Variants in PNO1 observed in about 807,000 individuals in gnomAD.
The protein encoded by PNO1 is RNA-binding protein PNO1.
Under a neutral mutation model 28.4 loss-of-function variants are expected in PNO1, and 16 were observed. The ratio of observed to expected loss-of-function variants is 0.56; its 90% CI spans 0.38 to 0.85. The LOEUF (loss-of-function observed/expected upper bound fraction) is 0.85, where lower values mean the gene tolerates loss of function less well. Ranked by LOEUF, PNO1 falls within the 40% of genes least tolerant of loss-of-function variation. The pLI is 0.00. For synonymous variants in PNO1, 115 were observed against 110.8 expected (o/e 1.04, Z -0.24); for missense variants, 304 against 312.2 (o/e 0.97, Z 0.20).
At chr2:68,163,623 A>G (rs950761869) in intron 5 of PNO1, among the ~76,000 whole-genome samples, 1 of 152,168 alleles carries the variant, frequency 6.6e-6, no homozygotes, top group Middle Eastern at 3.4e-3. Context: ...GGGGAGAACA[A>G]GCAATCACTA....
At chr2:68,160,104 G>A (rs572061256) in intron 2 of PNO1, among the ~76,000 whole-genome samples, 7 of 151,698 alleles carry the variant, frequency 4.6e-5, no homozygotes, top group African/African-American at 1.5e-4. Context: ...GAGTAGCTGG[G>A]ACTACAGGCA....
intron 5 of PNO1, among the ~76,000 whole-genome samples, chr2:68,170,469 C>T (rs959790596): frequency 3.3e-5 from 5 of 152,038 alleles, no homozygotes; most frequent in South Asian, 2.1e-4. Flanking sequence ...AAATATTGGC[C>T]GGGCGTGATG....
chr2:68,159,678 T>C (rs1248318764), intron 2 of PNO1, among the ~76,000 whole-genome samples: 2 of 152,190 alleles, frequency 1.3e-5, no homozygotes, highest in African/African-American at 4.8e-5. Flanking sequence ...GTCTCATCTC[T>C]GTTAATGGAA....
chr2:68,157,943 C>A lies in PNO1; in HGVS notation c.9C>A (p.Ser3=). The A allele has an allele frequency of 6.2e-7, 1 of 1,613,872 alleles. No homozygotes were observed. Among genetic ancestry groups the A allele is most frequent in the South Asian group, 1.1e-5 (1 of 91,088 alleles). The change falls in exon 1 of 7, where the codon TCC becomes TCA. Residue 3 remains serine (S), a synonymous_variant. Coordinates refer to ENST00000263657, the MANE Select transcript of PNO1 (RefSeq NM_020143.4). ME[S]EMETQSARAE... ...CTTTAAGATTTCCGGGGATGGAATC[C>A]GAAATGGAAACGCAGAGCGCCAGGG...
In PNO1 at chr2:68,171,621, G is replaced by A. The variant is rs532228473; in HGVS notation, c.621-1726G>A. On this transcript the variant is annotated intron_variant, in intron 5 of 6. Transcript: ENST00000263657. Reference sequence around the variant, plus strand: ...TCATCTGCAGGTGTCTGGAGGAAGAGCATTACAGAGGAAGGGGAAAGCACA... The same window carrying A: ...TCATCTGCAGGTGTCTGGAGGAAGAACATTACAGAGGAAGGGGAAAGCACA... Among the ~76,000 whole-genome samples the A allele has an allele frequency of 2.6e-5, 4 of 152,344 alleles. No homozygotes were observed. The South Asian group carries it at 8.3e-4, about 32-fold the overall frequency.
intron 5 of PNO1, among the ~76,000 whole-genome samples, chr2:68,165,503 A>C (rs1269365743): frequency 1.5e-5 from 2 of 133,406 alleles, no homozygotes; most frequent in African/African-American, 2.8e-5. Flanking sequence ...TCAAGATTGC[A>C]CCACTGCATT....
chr2:68,162,145 A>G (rs1179092138), intron 3 of PNO1, 120 bp from the exon 4 acceptor site: 15 of 529,788 alleles, frequency 2.8e-5, no homozygotes, highest in Non-Finnish European at 4.1e-5. Context: ...TCTCCAAGGG[A>G]AAAAAAAAAG....
chr2:68,166,392 G>A (rs1673997813), intron 5 of PNO1, among the ~76,000 whole-genome samples: 1 of 61,890 alleles, frequency 1.6e-5, no homozygotes, highest in Non-Finnish European at 2.7e-5. Flanking sequence ...GTAAGCTAGA[G>A]AAAAAATGTT....
chr2:68,170,564 G>A (rs1417095168), intron 5 of PNO1, among the ~76,000 whole-genome samples: 2 of 151,966 alleles, frequency 1.3e-5, no homozygotes, highest in African/African-American at 2.4e-5. Context: ...TGGCTAACAC[G>A]GTGAAACCCC....
At chr2:68,170,862 G>A (rs895759359) in intron 5 of PNO1, among the ~76,000 whole-genome samples, 3 of 150,366 alleles carry the variant, frequency 2.0e-5, no homozygotes, top group Non-Finnish European at 3.0e-5. Context: ...ATTTGTCTCT[G>A]TATTTCCAGA....
In PNO1 at chr2:68,170,833, T is replaced by G. The variant is rs141460607; in HGVS notation, c.621-2514T>G. ...TCAGGGGAACCAATTTCAACTCTTT[T>G]AGCTTATCTTAAAAAATTATTTGTC... On this transcript the variant is annotated intron_variant, in intron 5 of 6. Transcript: ENST00000263657. Among the ~76,000 whole-genome samples the G allele has an allele frequency of 2.7e-3, 408 of 152,286 alleles. 2 individuals carry two copies. The highest frequency in any genetic ancestry group is 6.1e-3 in the African/African-American group (254 of 41,558).
chr2:68,162,442 C>T (rs991663540), intron 4 of PNO1, 104 bp from the exon 5 acceptor site: 2 of 1,000,104 alleles, frequency 2.0e-6, no homozygotes, highest in African/African-American at 1.6e-5. Context: ...TATATATATA[C>T]ACTTTGTGTC....
At chr2:68,173,576 A>ATTTTTTTTTTTTTTTTTTTTTT (rs34874863) in intron 6 of PNO1, among the ~76,000 whole-genome samples, 159 bp downstream of exon 6, 1 of 111,402 alleles carries the variant, frequency 9.0e-6, no homozygotes, top group Non-Finnish European at 1.7e-5. Flanking sequence ...AGGAAGTAGA[A>ATTTTTTTTTTTTTTTTTTTTTT]TTTTTTTTTT....
chr2:68,162,346 GCT>G (rs777463828), intron 4 of PNO1, 21 bp downstream of exon 4: 17 of 1,582,266 alleles, frequency 1.1e-5, no homozygotes, highest in South Asian at 6.8e-5. Context: ...GTTGGTCTGC[GCT>G]CTTGTGTCGC....
chr2:68,167,805 C>T (rs76750960), intron 5 of PNO1, among the ~76,000 whole-genome samples: 2,810 of 152,306 alleles, frequency 0.018, 89 homozygotes, highest in African/African-American at 0.063. Context: ...CTAACATTAT[C>T]GAAGCATCCT....
chr2:68,162,358 C>T, intron 4 of PNO1, 33 bp downstream of exon 4: 1 of 1,546,082 alleles, frequency 6.5e-7, no homozygotes, highest in Non-Finnish European at 8.9e-7. Context: ...TCTTGTGTCG[C>T]TGACTTTGTA....
chr2:68,168,997 C>T (rs779352152), intron 5 of PNO1, among the ~76,000 whole-genome samples: 16 of 139,870 alleles, frequency 1.1e-4, no homozygotes, highest in Non-Finnish European at 2.1e-4. Flanking sequence ...GGTGCAATCT[C>T]GGCTCACTGC....
rs1378428950 is a variant in PNO1 at position 68,163,545 on chromosome 2, A to ATACATACG, written c.620+889_620+890insGTACATAC. ...GACTCTGTCTCAAATAAATAAATAC[A>ATACATACG]TACATACATACATACATACATACAT... is the stretch of plus-strand genomic sequence containing the variant. On this transcript the variant is annotated intron_variant, in intron 5 of 6. Transcript: ENST00000263657. 1.7e-3 allele frequency among the ~76,000 whole-genome samples: 234 copies of ATACATACG among 138,090 alleles called. 1 individual carries two copies. Among genetic ancestry groups the ATACATACG allele is most frequent in the South Asian group, 4.2e-3 (19 of 4,474 alleles). The allele number at this position is 138,090 out of a possible 152,430, so 90.6% of individuals were successfully genotyped here. A position where few individuals can be genotyped will look rare whatever the true frequency, so the allele number is the denominator to read the frequency against.
intron 2 of PNO1, 42 bp from the exon 3 acceptor site, chr2:68,161,641 G>T: frequency 1.7e-6 from 2 of 1,209,080 alleles, no homozygotes; most frequent in South Asian, 2.5e-5. Flanking sequence ...TTTTCTGTTT[G>T]ATTCTCAACG....
Sources: allele counts gnomAD v4.1 joint callset (sites outside exome capture counted in the v4.1 genomes callset), GRCh38; gene constraint gnomAD v4.1.1; transcripts MANE v1.5; gene names NCBI Gene and HGNC (gene_info 2026-07-23, HGNC 2026-07-21).